Variants in GLIS1 observed in about 807,000 individuals in gnomAD.
GLIS1 encodes the protein GLIS family zinc finger 1.
Under a neutral mutation model 63.8 loss-of-function variants are expected in GLIS1, and 24 were observed. The observed-to-expected ratio is 0.38, with a 90% confidence interval of 0.27 to 0.53. The LOEUF is 0.53. GLIS1 is among the 20% of genes least tolerant of loss of function. The pLI is 0.85. For missense variants in GLIS1, 1,036 were observed against 1,074.1 expected, an observed-to-expected ratio of 0.96 and a Z score of 0.50; for synonymous variants, 450 against 482.5, an observed-to-expected ratio of 0.93 and a Z score of 0.88.
intron 2 of GLIS1, among the ~76,000 whole-genome samples, chr1:53,719,639 T>C (rs1311515769): frequency 6.6e-6 from 1 of 151,644 alleles, no homozygotes; most frequent in East Asian, 1.9e-4. Flanking sequence ...GTGATGCAAC[T>C]GGGGCAGGAG....
intron 4 of GLIS1, among the ~76,000 whole-genome samples, chr1:53,544,590 G>A (rs756570485): frequency 6.6e-6 from 1 of 152,236 alleles, no homozygotes; most frequent in Non-Finnish European, 1.5e-5. Flanking sequence ...CCTCAGCCCA[G>A]CACTTCCAGC....
intron 4 of GLIS1, among the ~76,000 whole-genome samples, chr1:53,581,493 C>T (rs1029856063): frequency 4.6e-5 from 7 of 152,188 alleles, no homozygotes; most frequent in Non-Finnish European, 1.0e-4. Context: ...CTGTTTGAGG[C>T]ATTGGAGATA....
chr1:53,554,148 C>A (rs1279192091), intron 4 of GLIS1, among the ~76,000 whole-genome samples: 2 of 152,228 alleles, frequency 1.3e-5, no homozygotes, highest in Non-Finnish European at 2.9e-5. Context: ...CTGACCACAG[C>A]CCCTTCTGTC....
chr1:53,509,169 G>C lies in GLIS1; in HGVS notation c.2181C>G (p.Pro727=). The C allele has an allele frequency of 1.9e-6, 3 of 1,600,976 alleles. No homozygotes were observed. The highest frequency in any genetic ancestry group is 2.6e-6 in the Non-Finnish European group (3 of 1,174,256). ...GGCTGTGGTAGCCATTGGGCCGCAG[G>C]GGGTTGAAACCGTGGGTCTCCCCGA... The part of the protein sequence containing the change: ...GLVGETHGFN[P]LRPNGYHSLS... The change falls in exon 10 of 11, where the codon CCC becomes CCG. Residue 727 remains proline (P), a synonymous_variant. Transcript: ENST00000628545.
At chr1:53,556,062 G>A (rs565850377) in intron 4 of GLIS1, among the ~76,000 whole-genome samples, 2 of 129,148 alleles carry the variant, frequency 1.5e-5, no homozygotes, top group East Asian at 2.6e-4. Flanking sequence ...TGTGTATGCA[G>A]GTATACTGTA....
At position 53,511,267 on chromosome 1, in the gene GLIS1, G is replaced by C. The variant is rs570333389; in HGVS notation, c.1884-1240C>G. Among the ~76,000 whole-genome samples the C allele has an allele frequency of 3.2e-4, 49 of 152,336 alleles. No homozygotes were observed. Among genetic ancestry groups the C allele is most frequent in the African/African-American group, 1.2e-3 (49 of 41,584 alleles). Reference sequence around the variant, plus strand: ...AATATACAGCGAATTCAATGTCACAGCTCCAGGTGACCTCGTGACCCTTGC... The same window carrying C: ...AATATACAGCGAATTCAATGTCACACCTCCAGGTGACCTCGTGACCCTTGC... On this transcript the variant is annotated intron_variant, in intron 8 of 10. Coordinates refer to ENST00000628545, the MANE Select transcript of GLIS1 (RefSeq NM_001367484.1). The surrounding 1 kb of genome is among the most constrained non-coding windows in gnomAD (Gnocchi z 4.2).
intron 2 of GLIS1, among the ~76,000 whole-genome samples, chr1:53,626,564 C>T (rs1440715998): frequency 6.6e-6 from 1 of 152,228 alleles, no homozygotes; most frequent in African/African-American, 2.4e-5. Context: ...TATTTAAAAG[C>T]ATCTTGCTTA....
At chr1:53,724,408 T>C (rs1053148822) in intron 2 of GLIS1, among the ~76,000 whole-genome samples, 1 of 152,246 alleles carries the variant, frequency 6.6e-6, no homozygotes, top group African/African-American at 2.4e-5. Context: ...GTAGCTAGTA[T>C]GACTGGAAAA....
chr1:53,510,054 C>T, intron 8 of GLIS1, 27 bp from the exon 9 acceptor site: 1 of 1,246,082 alleles, frequency 8.0e-7, no homozygotes, highest in Non-Finnish European at 1.0e-6. Flanking sequence ...TGCCCATCAG[C>T]AGGCAGGGGT....
chr1:53,528,512 T>A (rs978305954), intron 5 of GLIS1, among the ~76,000 whole-genome samples: 3 of 152,034 alleles, frequency 2.0e-5, no homozygotes, highest in South Asian at 2.1e-4. Context: ...CTGGGGGCAG[T>A]GTGTGTGAGA....
chr1:53,700,909 T>C (rs551839574), intron 2 of GLIS1, among the ~76,000 whole-genome samples: 9 of 152,364 alleles, frequency 5.9e-5, no homozygotes, highest in Middle Eastern at 6.8e-3. Flanking sequence ...CCACACAGCA[T>C]AACGTTTCTA....
chr1:53,652,309 C>A (rs1463351838), intron 2 of GLIS1, among the ~76,000 whole-genome samples: 1 of 152,154 alleles, frequency 6.6e-6, no homozygotes, highest in Non-Finnish European at 1.5e-5. Context: ...CAGTGGAAAA[C>A]CAGCTTGCTA....
At chr1:53,695,076 C>T (rs1030511090) in intron 2 of GLIS1, among the ~76,000 whole-genome samples, 6 of 151,602 alleles carry the variant, frequency 4.0e-5, no homozygotes, top group Admixed American at 1.3e-4. Flanking sequence ...ACAGTAGGCC[C>T]GCATCTGTTT....
intron 2 of GLIS1, among the ~76,000 whole-genome samples, chr1:53,687,573 G>T (rs1008519182): frequency 6.6e-6 from 1 of 152,146 alleles, no homozygotes; most frequent in Non-Finnish European, 1.5e-5. Flanking sequence ...CTGTCGGGTG[G>T]TTCTGTGCGT....
intron 4 of GLIS1, among the ~76,000 whole-genome samples, chr1:53,535,726 G>T (rs1179069373): frequency 6.6e-6 from 1 of 152,030 alleles, no homozygotes; most frequent in Non-Finnish European, 1.5e-5. Context: ...TGACTGCACA[G>T]GTGCCATCCT....
At chr1:53,699,125 C>T (rs536570322) in intron 2 of GLIS1, among the ~76,000 whole-genome samples, 1 of 151,962 alleles carries the variant, frequency 6.6e-6, no homozygotes, top group African/African-American at 2.4e-5. Flanking sequence ...AGTGCAGTGG[C>T]ATGATCTCGG....
At chr1:53,685,996 C>A (rs547485605) in intron 2 of GLIS1, among the ~76,000 whole-genome samples, 1 of 152,304 alleles carries the variant, frequency 6.6e-6, no homozygotes, top group African/African-American at 2.4e-5. Flanking sequence ...TCCCCCTCTG[C>A]CCCTGCCCTT....
At position 53,560,219 on chromosome 1, in the gene GLIS1, G is replaced by A. The variant is rs1398020541; in HGVS notation, c.1321-30267C>T. On this transcript the variant is annotated intron_variant, in intron 4 of 10. Transcript: ENST00000628545. This position sits in a 1 kb window ranked among gnomAD's most constrained non-coding sequence, Gnocchi z 4.4. ...GGAGTGGCCTGTAGAGCTCACCAGC[G>A]AAGACAGACAAAGAAGAGCCAGCTT... Among the ~76,000 whole-genome samples, 1 of 152,208 alleles carries A rather than the reference G, an allele frequency of 6.6e-6. No homozygotes were observed. Among genetic ancestry groups the A allele is most frequent in the African/African-American group, 2.4e-5 (1 of 41,450 alleles).
chr1:53,677,732 C>T (rs1269459281), intron 2 of GLIS1, among the ~76,000 whole-genome samples: 1 of 152,230 alleles, frequency 6.6e-6, no homozygotes, highest in East Asian at 1.9e-4. Flanking sequence ...GCTGTCACGC[C>T]ATCTCTGGGA....
Sources: gnomAD v4.1 joint callset for allele counts (sites outside exome capture counted in the v4.1 genomes callset) on GRCh38, gnomAD v4.1.1 for gene constraint, Gnocchi (gnomAD v3.1) non-coding constraint, MANE v1.5 for transcripts, NCBI Gene and HGNC (gene_info 2026-07-23, HGNC 2026-07-21) for gene names.